The following PRKCQ variants were observed in gnomAD, a reference collection of about 807,000 sequenced individuals.
The protein encoded by PRKCQ is protein kinase C theta.
Under a neutral mutation model 91.2 loss-of-function variants are expected in PRKCQ, and 41 were observed. That is an observed-to-expected ratio of 0.45 (90% CI 0.35 to 0.58). PRKCQ has a LOEUF of 0.58. Among genes scored for constraint, PRKCQ ranks in the 20% least tolerant of loss-of-function variants. The pLI, the probability that PRKCQ is intolerant of heterozygous loss-of-function variation, is 0.00. For missense variants in PRKCQ, 673 were observed against 896.5 expected (o/e 0.75, Z 3.18); for synonymous variants, 307 against 316.9 (o/e 0.97, Z 0.33).
At chr10:6,459,467 T>C (rs1835202747) in intron 14 of PRKCQ, among the ~76,000 whole-genome samples, 1 of 152,190 alleles carries the variant, frequency 6.6e-6, no homozygotes, top group Non-Finnish European at 1.5e-5. Context: ...ATGGGTGGAA[T>C]GGTGGCCCCC....
chr10:6,450,782 C>T (rs1235235700), intron 15 of PRKCQ, among the ~76,000 whole-genome samples: 1 of 152,168 alleles, frequency 6.6e-6, no homozygotes, highest in Non-Finnish European at 1.5e-5. Context: ...TCACTCAAAA[C>T]TGCTCAACTG....
chr10:6,441,707 AT>A (rs1448159664), intron 16 of PRKCQ, among the ~76,000 whole-genome samples, 185 bp downstream of exon 16: 1 of 152,182 alleles, frequency 6.6e-6, no homozygotes, highest in Non-Finnish European at 1.5e-5. Context: ...TCTTACACTC[AT>A]TTTGACATTT....
chr10:6,498,665 G>A, intron 4 of PRKCQ, 107 bp from the exon 5 acceptor site: 1 of 1,050,016 alleles, frequency 9.5e-7, no homozygotes. Flanking sequence ...AGGAGGACCA[G>A]CTCTGAGTAC....
intron 1 of PRKCQ, among the ~76,000 whole-genome samples, chr10:6,577,339 T>C (rs1210094192): frequency 6.6e-6 from 1 of 152,212 alleles, no homozygotes; most frequent in African/African-American, 2.4e-5. Context: ...TTAATCCATC[T>C]CTCTGGTTCA....
At chr10:6,551,604 A>C (rs1840186443) in intron 1 of PRKCQ, among the ~76,000 whole-genome samples, 1 of 151,624 alleles carries the variant, frequency 6.6e-6, no homozygotes, top group Non-Finnish European at 1.5e-5. Flanking sequence ...CACCATGTTA[A>C]CCAGGATGGT....
At chr10:6,496,337 T>G (rs957345845) in intron 7 of PRKCQ, among the ~76,000 whole-genome samples, 2 of 152,094 alleles carry the variant, frequency 1.3e-5, no homozygotes, top group African/African-American at 4.8e-5. Context: ...GCTAGCCCAG[T>G]TTCCCCCCTC....
Position 6,464,146 on chromosome 10 carries a change from C to T in PRKCQ, c.1445+167G>A, listed in dbSNP as rs199649517. On this transcript the variant is annotated intron_variant, in intron 13 of 17. Transcript: ENST00000263125. ...ACAGAGAAATGAAACCAAACTGACACGAATTTCAGTTTCACAACCTGGGAA... is the reference window on the plus strand; with the variant it reads ...ACAGAGAAATGAAACCAAACTGACATGAATTTCAGTTTCACAACCTGGGAA... 3.9e-4 allele frequency among the ~76,000 whole-genome samples: 60 copies of T among 152,210 alleles called. 1 individual carries two copies. The highest frequency in any genetic ancestry group is 1.3e-3 in the African/African-American group (54 of 41,530).
intron 7 of PRKCQ, among the ~76,000 whole-genome samples, chr10:6,494,623 A>C (rs1169345409): frequency 1.3e-5 from 2 of 152,106 alleles, no homozygotes; most frequent in Non-Finnish European, 2.9e-5. Flanking sequence ...CTGTAACTTC[A>C]TAGACTCTGG....
At chr10:6,488,904 T>G (rs1046193331) in intron 8 of PRKCQ, among the ~76,000 whole-genome samples, 2 of 152,072 alleles carry the variant, frequency 1.3e-5, no homozygotes, top group South Asian at 2.1e-4. Flanking sequence ...CTCAGCCTCT[T>G]GTGTAGCTGA....
chr10:6,438,970 T>A (rs910983792), intron 16 of PRKCQ, among the ~76,000 whole-genome samples: 2 of 152,264 alleles, frequency 1.3e-5, no homozygotes, highest in Non-Finnish European at 2.9e-5. Context: ...GCTCAGTATA[T>A]GTAGGTCCTT....
chr10:6,475,448 C>G (rs1175759504), intron 12 of PRKCQ, among the ~76,000 whole-genome samples: 1 of 152,200 alleles, frequency 6.6e-6, no homozygotes, highest in African/African-American at 2.4e-5. Context: ...ATATATCCCT[C>G]ATCTAGGAAC....
chr10:6,500,144 A>G (rs1316935838), intron 4 of PRKCQ, among the ~76,000 whole-genome samples: 1 of 152,254 alleles, frequency 6.6e-6, no homozygotes, highest in African/African-American at 2.4e-5. Context: ...ATTAAGGATC[A>G]CTGAGTTAAT....
chr10:6,396,686 G>A, the PRKCQ span, among the ~76,000 whole-genome samples: 977 of 152,314 alleles, frequency 6.4e-3, 10 homozygotes, highest in African/African-American at 0.022. Context: ...CCATTCATCA[G>A]TTGATGCACA....
At chr10:6,482,458 T>A (rs968439709) in intron 11 of PRKCQ, among the ~76,000 whole-genome samples, 3 of 151,978 alleles carry the variant, frequency 2.0e-5, no homozygotes, top group African/African-American at 7.3e-5. Context: ...GATGCAGACA[T>A]GCACAGGAGG....
intron 4 of PRKCQ, among the ~76,000 whole-genome samples, chr10:6,504,030 G>T (rs1393547484): frequency 6.6e-6 from 1 of 152,142 alleles, no homozygotes; most frequent in African/African-American, 2.4e-5. Context: ...CTCCTGCCTT[G>T]GCCCCCAAAG....
At chr10:6,472,828 T>G (rs1836063728) in intron 12 of PRKCQ, among the ~76,000 whole-genome samples, 1 of 152,170 alleles carries the variant, frequency 6.6e-6, no homozygotes, top group Admixed American at 6.6e-5. Context: ...TTATCCTGCC[T>G]CAGCCTCCTG....
At chr10:6,567,586 C>T (rs1840879160) in intron 1 of PRKCQ, among the ~76,000 whole-genome samples, 1 of 152,220 alleles carries the variant, frequency 6.6e-6, no homozygotes, top group Admixed American at 6.5e-5. Context: ...CCTGAGGTCA[C>T]CAAGGCCTTC....
chr10:6,552,050 T>C (rs1840205572), intron 1 of PRKCQ, among the ~76,000 whole-genome samples: 1 of 152,230 alleles, frequency 6.6e-6, no homozygotes. Context: ...GTGGTTTTGA[T>C]TTGCATTTCT....
At chr10:6,518,132 G>A (rs1176001992) in intron 1 of PRKCQ, among the ~76,000 whole-genome samples, 3 of 152,084 alleles carry the variant, frequency 2.0e-5, no homozygotes, top group Non-Finnish European at 4.4e-5. Flanking sequence ...CAGAAGTCTA[G>A]ACTTAAATTC....
Sources: allele counts gnomAD v4.1 joint callset (sites outside exome capture counted in the v4.1 genomes callset), GRCh38; gene constraint gnomAD v4.1.1; transcripts MANE v1.5; gene names NCBI Gene and HGNC (gene_info 2026-07-23, HGNC 2026-07-21).